The following DIS3L2 variants were observed in gnomAD, a reference collection of about 807,000 sequenced individuals.
The protein encoded by DIS3L2 is DIS3 like 3'-5' exoribonuclease 2.
Under a neutral mutation model 97.5 loss-of-function variants are expected in DIS3L2, and 34 were observed. The ratio of observed to expected loss-of-function variants is 0.35; its 90% CI spans 0.27 to 0.46. DIS3L2 has a LOEUF of 0.46. DIS3L2 is among the 20% of genes least tolerant of loss of function. The probability of loss-of-function intolerance (pLI) is 1.00; values close to 1 mark genes in which losing one functional copy is unlikely to be tolerated. For synonymous variants in DIS3L2, 435 were observed against 445.2 expected, an observed-to-expected ratio of 0.98 and a Z score of 0.29; for missense variants, 1,038 against 1,146.0, an observed-to-expected ratio of 0.91 and a Z score of 1.36.
intron 9 of DIS3L2, among the ~76,000 whole-genome samples, chr2:232,167,468 C>T (rs1480450521): frequency 6.6e-6 from 1 of 151,976 alleles, no homozygotes; most frequent in Non-Finnish European, 1.5e-5. Flanking sequence ...TATGGAAATT[C>T]AGAGATCTGA....
chr2:232,114,523 A>G (rs1697642842), intron 6 of DIS3L2, among the ~76,000 whole-genome samples: 2 of 152,208 alleles, frequency 1.3e-5, no homozygotes, highest in Non-Finnish European at 2.9e-5. Context: ...GGGGACATTC[A>G]GGTTATGACA....
intron 6 of DIS3L2, among the ~76,000 whole-genome samples, chr2:232,111,980 C>G (rs1443696729): frequency 1.3e-5 from 2 of 152,192 alleles, no homozygotes; most frequent in Non-Finnish European, 2.9e-5. Context: ...TTTGCACTTC[C>G]AAATACATGA....
intron 1 of DIS3L2, among the ~76,000 whole-genome samples, chr2:231,962,148 A>G (rs1381319819): frequency 6.6e-6 from 1 of 152,060 alleles, no homozygotes; most frequent in Admixed American, 6.6e-5. Flanking sequence ...CTTGATCGAG[A>G]TGTTCAGGAC....
At chr2:232,206,892 C>T (rs1333616566) in intron 9 of DIS3L2, among the ~76,000 whole-genome samples, 2 of 152,176 alleles carry the variant, frequency 1.3e-5, no homozygotes, top group African/African-American at 2.4e-5. Context: ...TACACGGTCA[C>T]ATATGGTGGG....
intron 7 of DIS3L2, among the ~76,000 whole-genome samples, chr2:232,135,961 A>G (rs999053642): frequency 1.3e-5 from 2 of 152,166 alleles, no homozygotes; most frequent in Non-Finnish European, 2.9e-5. Context: ...GGTGGCCTCA[A>G]TCTTCATCTA....
intron 8 of DIS3L2, among the ~76,000 whole-genome samples, chr2:232,147,991 C>T (rs1437006037): frequency 2.5e-5 from 3 of 118,616 alleles, no homozygotes; most frequent in African/African-American, 1.0e-4. Context: ...CCTCCGCTCC[C>T]CTCTTTTCTC....
chr2:232,076,117 A>T (rs1406607893), intron 5 of DIS3L2, among the ~76,000 whole-genome samples: 1 of 152,186 alleles, frequency 6.6e-6, no homozygotes, highest in Non-Finnish European at 1.5e-5. Context: ...TTAAGTTGGC[A>T]TTTAGGGCTC....
intron 13 of DIS3L2, among the ~76,000 whole-genome samples, chr2:232,290,824 C>T (rs1694580826): frequency 6.6e-6 from 1 of 152,150 alleles, no homozygotes; most frequent in Admixed American, 6.5e-5. Flanking sequence ...ATAGACTTTC[C>T]AACACTAATG....
chr2:232,206,455 T>C (rs1224542344), intron 9 of DIS3L2, among the ~76,000 whole-genome samples: 4 of 152,266 alleles, frequency 2.6e-5, no homozygotes, highest in Non-Finnish European at 5.9e-5. Context: ...TGTGGCTGTG[T>C]ACAATAAAGC....
chr2:232,264,603 C>T (rs1430209728), intron 13 of DIS3L2, among the ~76,000 whole-genome samples: 3 of 152,164 alleles, frequency 2.0e-5, no homozygotes, highest in Non-Finnish European at 4.4e-5. Context: ...GAAGTTTCCA[C>T]GTGTCTGAAA....
At chr2:232,055,134 T>C (rs1388941820) in intron 5 of DIS3L2, among the ~76,000 whole-genome samples, 1 of 152,202 alleles carries the variant, frequency 6.6e-6, no homozygotes, top group African/African-American at 2.4e-5. Flanking sequence ...GTAAACATCA[T>C]AGCTAATGTT....
intron 12 of DIS3L2, among the ~76,000 whole-genome samples, chr2:232,261,382 C>A (rs923459350): frequency 6.6e-6 from 1 of 152,166 alleles, no homozygotes; most frequent in Non-Finnish European, 1.5e-5. Context: ...CCAAAGCGCT[C>A]CTTCCCTCCT....
In DIS3L2 at chr2:232,334,614, C is replaced by T. The variant is rs1269220172; in HGVS notation, c.2290-17C>T. 1.2e-6 allele frequency: 2 copies of T among 1,602,948 alleles called. No individual in the cohort carries two copies. Among genetic ancestry groups the T allele is most frequent in the South Asian group, 1.1e-5 (1 of 89,490 alleles). On this transcript the variant is annotated splice_polypyrimidine_tract_variant and intron_variant, in intron 18 of 20. Transcript: ENST00000325385. ...GCAGTGCCAGGAGGTGCCATGGCTG[C>T]AGCACTGTCCCTGCAGGAGAGTGGC... is the stretch of plus-strand genomic sequence containing the variant.
chr2:232,279,415 T>C (rs192717994), intron 13 of DIS3L2, among the ~76,000 whole-genome samples: 9 of 152,394 alleles, frequency 5.9e-5, no homozygotes, highest in African/African-American at 1.9e-4. Flanking sequence ...TCTGCATATC[T>C]TCTTTGGTGA....
At chr2:232,138,852 G>A (rs537251623) in intron 8 of DIS3L2, among the ~76,000 whole-genome samples, 5 of 152,136 alleles carry the variant, frequency 3.3e-5, no homozygotes, top group East Asian at 1.9e-4. Flanking sequence ...TAAAAGTATC[G>A]GACTTCCTTT....
chr2:232,175,789 T>C (rs1691133746), intron 9 of DIS3L2, among the ~76,000 whole-genome samples: 1 of 152,040 alleles, frequency 6.6e-6, no homozygotes, highest in South Asian at 2.1e-4. Context: ...GTGTCGGCGA[T>C]GGGTGGGGGG....
At chr2:231,978,450 TTTG>T (rs1405272059) in intron 1 of DIS3L2, 1 of 152,220 alleles carries the variant, frequency 6.6e-6, no homozygotes, top group Non-Finnish European at 1.5e-5. Context: ...GTCAAATGTG[TTTG>T]TTTTGGTCAG....
chr2:232,215,440 G>A (rs533203771), intron 10 of DIS3L2, among the ~76,000 whole-genome samples: 1 of 152,316 alleles, frequency 6.6e-6, no homozygotes, highest in African/African-American at 2.4e-5. Flanking sequence ...CCTCTGGGGT[G>A]GACATTACCT....
chr2:232,204,531 C>T (rs1185610443), intron 9 of DIS3L2, among the ~76,000 whole-genome samples: 1 of 152,134 alleles, frequency 6.6e-6, no homozygotes, highest in Non-Finnish European at 1.5e-5. Context: ...ATTCTGCAGC[C>T]TCATGAACTG....
Sources: gnomAD v4.1 joint callset for allele counts (sites outside exome capture counted in the v4.1 genomes callset) on GRCh38, gnomAD v4.1.1 for gene constraint, MANE v1.5 for transcripts, NCBI Gene and HGNC (gene_info 2026-07-23, HGNC 2026-07-21) for gene names.